The following ETV5 variants were observed in gnomAD, a reference collection of about 807,000 sequenced individuals.
The protein encoded by ETV5 is ETS translocation variant 5.
A neutral mutation model predicts 70.0 loss-of-function variants in ETV5; 10 were observed. That is an observed-to-expected ratio of 0.14 (90% CI 0.09 to 0.24). The LOEUF is 0.24. ETV5 is among the 10% of genes least tolerant of loss of function. The pLI is 1.00. For missense variants in ETV5, 453 were observed against 651.2 expected, an observed-to-expected ratio of 0.70 and a Z score of 3.31; for synonymous variants, 216 against 242.2, an observed-to-expected ratio of 0.89 and a Z score of 1.01.
intron 5 of ETV5, among the ~76,000 whole-genome samples, chr3:186,089,996 T>C (rs994500413): frequency 2.0e-5 from 3 of 152,206 alleles, no homozygotes; most frequent in Non-Finnish European, 2.9e-5. Flanking sequence ...TGCTTTCAAA[T>C]GGTTAAGAAA....
Position 186,057,418 on chromosome 3 carries a change from C to G in ETV5, c.1039+5G>C. 6.2e-7 allele frequency: 1 copy of G among 1,614,068 alleles called. No homozygotes were observed. The highest frequency in any genetic ancestry group is 8.5e-7 in the Non-Finnish European group (1 of 1,179,910). ...TGGCAACAAACCTTGGATGGGGCTA[C>G]TTACCTTCCAGTCTCTCAGGCACAA... is the stretch of plus-strand genomic sequence containing the variant. On this transcript the variant is annotated splice_donor_5th_base_variant and intron_variant, in intron 10 of 12. Transcript: ENST00000306376. This position sits in a 1 kb window ranked among gnomAD's most constrained non-coding sequence, Gnocchi z 4.9.
At chr3:186,098,349 G>C (rs1323610932) in intron 5 of ETV5, among the ~76,000 whole-genome samples, 1 of 152,166 alleles carries the variant, frequency 6.6e-6, no homozygotes, top group Non-Finnish European at 1.5e-5. Flanking sequence ...CTGGAAGCCT[G>C]CCTCTCCAGA....
At chr3:186,097,033 C>T (rs963904058) in intron 5 of ETV5, among the ~76,000 whole-genome samples, 1 of 152,144 alleles carries the variant, frequency 6.6e-6, no homozygotes, top group Non-Finnish European at 1.5e-5. Context: ...ATCAATCAAT[C>T]AATCAAGGCT....
chr3:186,065,799 A>C lies in ETV5; in HGVS notation c.910+14T>G. ...GCAAGAATGAAGCAAAGAATAGCAC[A>C]ATTTGATGCTGACCTGAATCGACGC... On this transcript the variant is annotated intron_variant, in intron 8 of 12. Transcript: ENST00000306376. 1 of 1,613,854 alleles carries C rather than the reference A, an allele frequency of 6.2e-7. No homozygotes were observed. The highest frequency in any genetic ancestry group is 1.1e-5 in the South Asian group (1 of 91,064).
intron 7 of ETV5, among the ~76,000 whole-genome samples, chr3:186,074,268 T>G (rs1359206146): frequency 6.6e-6 from 1 of 152,180 alleles, no homozygotes; most frequent in Non-Finnish European, 1.5e-5. Context: ...TTTATTAAAT[T>G]TATTCAACTA....
intron 5 of ETV5, among the ~76,000 whole-genome samples, chr3:186,093,800 CAG>C (rs1261486587): frequency 3.9e-5 from 6 of 152,072 alleles, no homozygotes; most frequent in African/African-American, 1.4e-4. Flanking sequence ...CAAGGACAGA[CAG>C]GGGGAAAGAT....
Position 186,057,378 on chromosome 3 carries a change from C to T in ETV5, c.1039+45G>A, listed in dbSNP as rs752277515. The T allele has an allele frequency of 6.2e-7, 1 of 1,609,968 alleles. No individual in the cohort carries two copies. Among genetic ancestry groups the T allele is most frequent in the Non-Finnish European group, 8.5e-7 (1 of 1,176,266 alleles). On this transcript the variant is annotated intron_variant, in intron 10 of 12. Transcript: ENST00000306376. The surrounding 1 kb of genome is among the most constrained non-coding windows in gnomAD (Gnocchi z 4.9). ...AGTCATGGCTGAGGTGTTCTGACAC[C>T]TCCAAACCTCTACCTGGCAACAAAC...
chr3:186,068,514 A>G (rs546401598), intron 7 of ETV5, among the ~76,000 whole-genome samples: 15 of 152,332 alleles, frequency 9.8e-5, no homozygotes, highest in African/African-American at 3.6e-4. Flanking sequence ...ACCTGTTGCT[A>G]CTAGTCGAGT....
chr3:186,105,932 A>G lies in ETV5; in HGVS notation c.-64T>C. ...CAGCATTGAGTAATTTCTGGGGGAAAAGGGATCCTCCTGTAATATGAATTT... is the reference window on the plus strand; with the variant it reads ...CAGCATTGAGTAATTTCTGGGGGAAGAGGGATCCTCCTGTAATATGAATTT... On this transcript the variant is annotated 5_prime_UTR_variant, in exon 2 of 13. Coordinates refer to ENST00000306376, the MANE Select transcript of ETV5 (RefSeq NM_004454.3). This position sits in a 1 kb window ranked among gnomAD's most constrained non-coding sequence, Gnocchi z 4.5. 13 of 1,592,286 alleles carry G rather than the reference A, an allele frequency of 8.2e-6. No homozygotes were observed. The highest frequency in any genetic ancestry group is 1.1e-5 in the Non-Finnish European group (13 of 1,166,760).
At position 186,057,358 on chromosome 3, in the gene ETV5, T is replaced by C. The variant is rs1198808732; in HGVS notation, c.1039+65A>G. 2.9e-5 allele frequency: 47 copies of C among 1,604,910 alleles called. No homozygotes were observed. Among genetic ancestry groups the C allele is most frequent in the Non-Finnish European group, 2.0e-5 (23 of 1,171,894 alleles). Reference sequence around the variant, plus strand: ...ATCACTGGACTTGGGAAGAGAGTCATGGCTGAGGTGTTCTGACACCTCCAA... The same window carrying C: ...ATCACTGGACTTGGGAAGAGAGTCACGGCTGAGGTGTTCTGACACCTCCAA... On this transcript the variant is annotated intron_variant, in intron 10 of 12. Coordinates refer to ENST00000306376, the MANE Select transcript of ETV5 (RefSeq NM_004454.3). The surrounding 1 kb of genome is among the most constrained non-coding windows in gnomAD (Gnocchi z 4.9).
rs966974213 is a variant in ETV5 at position 186,105,154 on chromosome 3, G to C, written c.232+151C>G. 6.9e-6 allele frequency: 4 copies of C among 576,094 alleles called. No individual in the cohort carries two copies. The highest frequency in any genetic ancestry group is 5.8e-5 in the African/African-American group (3 of 51,836). 35.7% of individuals were successfully genotyped at this position (576,094 alleles called of 1,614,324 possible). On this transcript the variant is annotated intron_variant, in intron 5 of 12. Coordinates refer to ENST00000306376, the MANE Select transcript of ETV5 (RefSeq NM_004454.3). The surrounding 1 kb of genome is among the most constrained non-coding windows in gnomAD (Gnocchi z 4.5). ...GAAATAATTTTATTATGAAATAAAA[G>C]TTTTCAGGGTTAATTCTGAATTATT...
intron 5 of ETV5, among the ~76,000 whole-genome samples, chr3:186,094,006 C>CAAGTTTGCAAGGGTAGAG (rs1714247418): frequency 1.3e-5 from 2 of 152,150 alleles, no homozygotes; most frequent in African/African-American, 4.8e-5. Flanking sequence ...GGGGCACTAG[C>CAAGTTTGCAAGGGTAGAG]AAGTTTGCAA....
intron 11 of ETV5, among the ~76,000 whole-genome samples, chr3:186,053,948 T>C (rs936338667): frequency 1.3e-5 from 2 of 152,244 alleles, no homozygotes; most frequent in African/African-American, 4.8e-5. Context: ...CCCAGCCTCA[T>C]CATTTTACTA....
intron 12 of ETV5, among the ~76,000 whole-genome samples, chr3:186,049,171 G>A (rs1223555887): frequency 6.6e-6 from 1 of 152,190 alleles, no homozygotes; most frequent in East Asian, 1.9e-4. Flanking sequence ...GGAGTCTGGT[G>A]TTCCAAAAAG....
chr3:186,081,869 C>T (rs950317913), intron 5 of ETV5, among the ~76,000 whole-genome samples: 2 of 152,200 alleles, frequency 1.3e-5, no homozygotes, highest in Non-Finnish European at 2.9e-5. Context: ...CAGTGACCGA[C>T]CAGCAAGGGT....
chr3:186,097,867 G>C (rs1714342788), intron 5 of ETV5, among the ~76,000 whole-genome samples: 1 of 152,112 alleles, frequency 6.6e-6, no homozygotes, highest in South Asian at 2.1e-4. Context: ...GTTTTTCCAC[G>C]GGCTGCACAA....
intron 9 of ETV5, among the ~76,000 whole-genome samples, chr3:186,058,993 A>G (rs1713236736): frequency 1.3e-5 from 2 of 151,312 alleles, no homozygotes; most frequent in African/African-American, 4.9e-5. Context: ...TGCCTGTGCA[A>G]CAGAGAGAGG....
chr3:186,075,336 C>G (rs1191120234), intron 7 of ETV5, among the ~76,000 whole-genome samples: 1 of 152,162 alleles, frequency 6.6e-6, no homozygotes, highest in Admixed American at 6.5e-5. Context: ...TTATTCCAGG[C>G]CAGGCTACAA....
intron 5 of ETV5, among the ~76,000 whole-genome samples, chr3:186,083,735 CA>C (rs1713987586): frequency 1.3e-5 from 2 of 152,112 alleles, no homozygotes; most frequent in Admixed American, 6.5e-5. Flanking sequence ...ATTATATTTC[CA>C]ATTTGTTCTT....
Sources: allele counts gnomAD v4.1 joint callset (sites outside exome capture counted in the v4.1 genomes callset), GRCh38; gene constraint gnomAD v4.1.1; non-coding constraint Gnocchi (gnomAD v3.1); transcripts MANE v1.5; gene names NCBI Gene and HGNC (gene_info 2026-07-23, HGNC 2026-07-21).